CCSER1: variants seen among roughly 807,000 people sequenced by gnomAD.
The protein encoded by CCSER1 is coiled-coil serine rich protein 1.
Under a neutral mutation model 82.0 loss-of-function variants are expected in CCSER1, and 41 were observed. The ratio of observed to expected loss-of-function variants is 0.50; its 90% CI spans 0.39 to 0.65. The LOEUF is 0.65. Among genes scored for constraint, CCSER1 ranks in the 30% least tolerant of loss-of-function variants. The probability of loss-of-function intolerance (pLI) is 0.00; values close to 1 mark genes in which losing one functional copy is unlikely to be tolerated. For synonymous variants in CCSER1, 414 were observed against 383.9 expected (o/e 1.08, Z -0.92); for missense variants, 1,119 against 1,064.2 (o/e 1.05, Z -0.72).
chr4:91,377,786 G>T (rs1578307624), intron 10 of CCSER1, among the ~76,000 whole-genome samples: 1 of 152,110 alleles, frequency 6.6e-6, no homozygotes, highest in Admixed American at 6.5e-5. Flanking sequence ...GGCTTTTGTT[G>T]CCATTGCTTT....
At chr4:90,442,527 G>A (rs914468315) in intron 4 of CCSER1, among the ~76,000 whole-genome samples, 3 of 152,124 alleles carry the variant, frequency 2.0e-5, no homozygotes, top group Non-Finnish European at 4.4e-5. Context: ...TGAGTATCTG[G>A]GATCAAATGG....
intron 10 of CCSER1, among the ~76,000 whole-genome samples, chr4:91,467,358 G>A (rs887528835): frequency 1.3e-5 from 2 of 152,128 alleles, no homozygotes; most frequent in African/African-American, 2.4e-5. Context: ...ATTCAAGATG[G>A]ATTAAAGACT....
chr4:90,374,090 T>C (rs919603102), intron 3 of CCSER1, among the ~76,000 whole-genome samples: 1 of 152,212 alleles, frequency 6.6e-6, no homozygotes, highest in Non-Finnish European at 1.5e-5. Context: ...AGCTTGCAAG[T>C]AAGGTAAAAT....
intron 10 of CCSER1, among the ~76,000 whole-genome samples, chr4:91,158,121 C>T (rs2148969014): frequency 6.6e-6 from 1 of 152,072 alleles, no homozygotes; most frequent in South Asian, 2.1e-4. Flanking sequence ...TGTTAGATTT[C>T]ATGGCATCAG....
In CCSER1 at chr4:90,394,022, C is replaced by T. The variant is rs185913655; in HGVS notation, c.1510-6014C>T. 4.0e-5 allele frequency among the ~76,000 whole-genome samples: 6 copies of T among 151,252 alleles called. No homozygotes were observed. In the East Asian group the frequency reaches 1.2e-3, roughly 29 times the overall value. The stretch of plus-strand genomic sequence containing the variant: ...CTTAAATTCCTGGCTTTAAGTGATC[C>T]TTGTGCCTCAGCCTCCCAAAGTGTT... On this transcript the variant is annotated intron_variant, in intron 3 of 10. Coordinates refer to ENST00000509176, the MANE Select transcript of CCSER1 (RefSeq NM_001145065.2).
At chr4:90,876,634 C>T (rs181247040) in intron 8 of CCSER1, among the ~76,000 whole-genome samples, 1 of 152,160 alleles carries the variant, frequency 6.6e-6, no homozygotes, top group East Asian at 1.9e-4. Context: ...AACCACAAAT[C>T]CCTTAGTATG....
At chr4:90,939,458 T>A (rs955809370) in intron 9 of CCSER1, among the ~76,000 whole-genome samples, 1 of 152,190 alleles carries the variant, frequency 6.6e-6, no homozygotes, top group Non-Finnish European at 1.5e-5. Context: ...ACAGGTCACT[T>A]TAATTATCAA....
At chr4:91,028,685 C>T (rs1005478600) in intron 9 of CCSER1, among the ~76,000 whole-genome samples, 2 of 150,532 alleles carry the variant, frequency 1.3e-5, no homozygotes, top group African/African-American at 4.9e-5. Flanking sequence ...AGCTTGTTAA[C>T]AGTTCCTTGA....
At chr4:90,334,093 C>T (rs577160587) in intron 3 of CCSER1, among the ~76,000 whole-genome samples, 22 of 152,262 alleles carry the variant, frequency 1.4e-4, no homozygotes, top group African/African-American at 5.1e-4. Context: ...CAACCATTAC[C>T]TTGGTGAGCT....
chr4:90,485,430 C>G (rs1766869777), intron 5 of CCSER1, among the ~76,000 whole-genome samples: 1 of 151,904 alleles, frequency 6.6e-6, no homozygotes, highest in Non-Finnish European at 1.5e-5. Flanking sequence ...TGGTACCTCA[C>G]TTGGAAATGC....
intron 10 of CCSER1, among the ~76,000 whole-genome samples, chr4:91,559,453 T>G (rs1018985730): frequency 1.3e-5 from 2 of 151,390 alleles, no homozygotes; most frequent in African/African-American, 4.8e-5. Context: ...GAAGGAATAT[T>G]TTTCCCCCTG....
At chr4:90,711,822 G>A (rs1027684440) in intron 6 of CCSER1, among the ~76,000 whole-genome samples, 2 of 151,208 alleles carry the variant, frequency 1.3e-5, no homozygotes, top group African/African-American at 4.9e-5. Context: ...TGCCAGGTTT[G>A]GGGATGATGC....
At chr4:90,203,583 T>A (rs1259691523) in intron 1 of CCSER1, among the ~76,000 whole-genome samples, 1 of 152,234 alleles carries the variant, frequency 6.6e-6, no homozygotes, top group Non-Finnish European at 1.5e-5. Context: ...ATTTTCTTTA[T>A]CCAGTTTATC....
At chr4:90,775,342 A>G (rs1752756509) in intron 7 of CCSER1, among the ~76,000 whole-genome samples, 2 of 152,188 alleles carry the variant, frequency 1.3e-5, no homozygotes, top group South Asian at 4.1e-4. Flanking sequence ...CAAACAATGT[A>G]ACTAATTATT....
intron 10 of CCSER1, among the ~76,000 whole-genome samples, chr4:91,087,144 T>C (rs1213861622): frequency 6.6e-6 from 1 of 152,086 alleles, no homozygotes; most frequent in Non-Finnish European, 1.5e-5. Context: ...TAGAAAGAAC[T>C]AAACTGATCA....
intron 10 of CCSER1, among the ~76,000 whole-genome samples, chr4:91,450,543 G>A (rs1041963035): frequency 6.6e-6 from 1 of 152,084 alleles, no homozygotes; most frequent in African/African-American, 2.4e-5. Flanking sequence ...AAACAAACGA[G>A]ATGGGCCCTA....
At chr4:91,439,387 C>T (rs1401595686) in intron 10 of CCSER1, among the ~76,000 whole-genome samples, 1 of 152,114 alleles carries the variant, frequency 6.6e-6, no homozygotes. Flanking sequence ...AACTAAGCTT[C>T]ATAAGTGCAA....
At chr4:90,394,571 T>G (rs1751690613) in intron 3 of CCSER1, among the ~76,000 whole-genome samples, 1 of 152,196 alleles carries the variant, frequency 6.6e-6, no homozygotes, top group Admixed American at 6.5e-5. Flanking sequence ...TAAAAATAGC[T>G]ACATAAATCT....
At chr4:91,278,550 T>C (rs1445805971) in intron 10 of CCSER1, among the ~76,000 whole-genome samples, 1 of 152,152 alleles carries the variant, frequency 6.6e-6, no homozygotes, top group Non-Finnish European at 1.5e-5. Context: ...TTTCTGTCTG[T>C]ATGTGTCTTT....
Sources: gnomAD v4.1 joint callset for allele counts (sites outside exome capture counted in the v4.1 genomes callset) on GRCh38, gnomAD v4.1.1 for gene constraint, MANE v1.5 for transcripts, NCBI Gene and HGNC (gene_info 2026-07-23, HGNC 2026-07-21) for gene names.